Variants in WNK2 observed in about 807,000 individuals in gnomAD.
WNK2 encodes serine/threonine-protein kinase WNK2.
Under a neutral mutation model 192.1 loss-of-function variants are expected in WNK2, and 67 were observed. The ratio of observed to expected loss-of-function variants is 0.35; its 90% CI spans 0.29 to 0.43. WNK2 has a LOEUF of 0.43. WNK2 is among the 20% of genes least tolerant of loss of function. WNK2 has a pLI of 1.00. For missense variants in WNK2, 2,698 were observed against 3,089.7 expected (o/e 0.87, Z 3.01); for synonymous variants, 1,439 against 1,393.9 (o/e 1.03, Z -0.72).
At position 93,240,642 on chromosome 9, in the gene WNK2, G is replaced by A. The variant is rs539110078; in HGVS notation, c.1542+666G>A. ...CCACAGGCACAGGCAGAAAGGAGTGGGAGTGGTCCAGGTGCAGTGGTAGGA... is the reference window on the plus strand; with the variant it reads ...CCACAGGCACAGGCAGAAAGGAGTGAGAGTGGTCCAGGTGCAGTGGTAGGA... On this transcript the variant is annotated intron_variant, in intron 7 of 29. Coordinates refer to ENST00000427277, the MANE Select transcript of WNK2 (RefSeq NM_006648.4). 4.0e-4 allele frequency among the ~76,000 whole-genome samples: 61 copies of A among 152,182 alleles called. No individual in the cohort carries two copies. The South Asian group carries it at 0.011, about 27-fold the overall frequency.
chr9:93,308,437 C>T lies in WNK2; in HGVS notation c.6369C>T (p.Asp2123=), dbSNP rs748115846. Residue 2123 remains aspartate, a synonymous_variant, in exon 28 of 30, where the codon GAC becomes GAT. Transcript: ENST00000427277. ...ACAACAAGAAGGGTACCTTCACGGA[C>T]GACCTGCACAAGCTGGTGGACGAGT... ...NSNNKKGTFT[D]DLHKLVDEWT... The T allele has an allele frequency of 2.3e-5, 37 of 1,608,874 alleles. No homozygotes were observed. The Middle Eastern group carries it at 4.9e-4, about 21-fold the overall frequency.
rs1418455868 is a variant in WNK2, at chr9:93,319,278, G to A, written c.6629-1089G>A. On this transcript the variant is annotated intron_variant, in intron 29 of 29. Coordinates refer to ENST00000427277, the MANE Select transcript of WNK2 (RefSeq NM_006648.4). ...TCCAAAGCAACCAGCCTCCTAGGGA[G>A]CACAGGAGTTGGGAGCCAGTTCTGG... The A allele has an allele frequency of 6.0e-6, 9 of 1,498,500 alleles. No individual in the cohort carries two copies. The African/African-American group carries it at 8.3e-5, about 14-fold the overall frequency. 92.8% of individuals were successfully genotyped at this position (1,498,500 alleles called of 1,614,324 possible).
At chr9:93,256,126 C>T (rs1843247517) in intron 9 of WNK2, among the ~76,000 whole-genome samples, 173 bp from the exon 10 acceptor site, 2 of 152,306 alleles carry the variant, frequency 1.3e-5, no homozygotes, top group South Asian at 4.1e-4. Flanking sequence ...TGGCCCTTCA[C>T]TGTTGTGAAT....
intron 2 of WNK2, among the ~76,000 whole-genome samples, chr9:93,187,042 C>T (rs922106667): frequency 2.6e-5 from 4 of 152,166 alleles, no homozygotes; most frequent in Admixed American, 2.6e-4. Context: ...GGAGACGACT[C>T]TTGATTCTGG....
At chr9:93,211,519 C>T (rs1190639743) in intron 2 of WNK2, among the ~76,000 whole-genome samples, 1 of 148,474 alleles carries the variant, frequency 6.7e-6, no homozygotes, top group Non-Finnish European at 1.5e-5. Flanking sequence ...TCCACTCACT[C>T]ATACATTCAC....
intron 26 of WNK2, among the ~76,000 whole-genome samples, chr9:93,301,933 G>A (rs566263486): frequency 3.4e-4 from 52 of 152,318 alleles, no homozygotes; most frequent in African/African-American, 1.1e-3. Context: ...GTTGCTGGCC[G>A]GGGAGAGCCC....
intron 16 of WNK2, among the ~76,000 whole-genome samples, chr9:93,266,406 T>C (rs928349010): frequency 2.6e-5 from 4 of 152,256 alleles, no homozygotes; most frequent in Non-Finnish European, 5.9e-5. Flanking sequence ...ATTTTTAGAT[T>C]TTTATTTTGT....
chr9:93,312,235 C>A (rs1389272038), intron 28 of WNK2, among the ~76,000 whole-genome samples: 2 of 152,146 alleles, frequency 1.3e-5, no homozygotes, highest in Non-Finnish European at 2.9e-5. Context: ...TCTTGTTTTT[C>A]ATTTGTTGCC....
chr9:93,289,754 C>T, intron 20 of WNK2, 134 bp downstream of exon 20: 1 of 1,003,546 alleles, frequency 1.0e-6, no homozygotes, highest in Non-Finnish European at 1.4e-6. Flanking sequence ...CTTGGTGACC[C>T]ACCCACGTGT....
At position 93,184,268 on chromosome 9, in the gene WNK2, G is replaced by T. The variant is rs1205063320; in HGVS notation, c.-120G>T. 6.6e-6 allele frequency among the ~76,000 whole-genome samples: 1 copy of T among 151,004 alleles called. No individual in the cohort carries two copies. The highest frequency in any genetic ancestry group is 2.4e-5 in the African/African-American group (1 of 41,280). ...GCGCAGGAGCTGGAGCGGCGCCACG[G>T]CCCCCACCCCAGCGCGGACCTCGCC... On this transcript the variant is annotated 5_prime_UTR_variant, in exon 1 of 30. Transcript: ENST00000427277.
chr9:93,228,834 G>A (rs1019582441), intron 2 of WNK2, among the ~76,000 whole-genome samples: 1 of 152,194 alleles, frequency 6.6e-6, no homozygotes, highest in Non-Finnish European at 1.5e-5. Flanking sequence ...TATAGTGAGG[G>A]ATGAGGTGGG....
intron 29 of WNK2, chr9:93,318,172 T>C (rs1050076066): frequency 2.0e-6 from 3 of 1,497,212 alleles, no homozygotes; most frequent in African/African-American, 2.8e-5. Context: ...AAAAAAATTA[T>C]CGGAAAAGGT....
chr9:93,212,743 G>C (rs922013427), intron 2 of WNK2, among the ~76,000 whole-genome samples: 1 of 152,248 alleles, frequency 6.6e-6, no homozygotes, highest in Non-Finnish European at 1.5e-5. Flanking sequence ...CATGGGCCCA[G>C]TGTGTGGCTG....
chr9:93,278,708 A>G (rs1435084595), intron 19 of WNK2, among the ~76,000 whole-genome samples: 1 of 152,226 alleles, frequency 6.6e-6, no homozygotes, highest in African/African-American at 2.4e-5. Context: ...CCAAATTATG[A>G]GACAGGACAA....
Position 93,239,354 on chromosome 9 carries a change from C to T in WNK2, c.1323-403C>T, listed in dbSNP as rs1245484721. Among the ~76,000 whole-genome samples, 1 of 152,200 alleles carries T rather than the reference C, an allele frequency of 6.6e-6. No individual in the cohort carries two copies. The highest frequency in any genetic ancestry group is 1.5e-5 in the Non-Finnish European group (1 of 68,028). On this transcript the variant is annotated intron_variant, in intron 6 of 29. Coordinates refer to ENST00000427277, the MANE Select transcript of WNK2 (RefSeq NM_006648.4). This position sits in a 1 kb window ranked among gnomAD's most constrained non-coding sequence, Gnocchi z 4.2. ...AGGGAGCTCAGAGCGTGGGGGGCTC[C>T]GCCTCTGTGTCCATTTTAGACCTAC...
chr9:93,212,493 T>C (rs1158204335), intron 2 of WNK2, among the ~76,000 whole-genome samples: 1 of 152,192 alleles, frequency 6.6e-6, no homozygotes, highest in Non-Finnish European at 1.5e-5. Context: ...CCTGGCTATG[T>C]TGTTTCTGCC....
Position 93,288,918 on chromosome 9 carries a change from C to T in WNK2, c.4164C>T (p.Ser1388=). 6.2e-7 allele frequency: 1 copy of T among 1,607,414 alleles called. No individual in the cohort carries two copies. The highest frequency in any genetic ancestry group is 1.1e-5 in the South Asian group (1 of 90,108). Reference sequence around the variant, plus strand: ...CCCCAGCCCCTTTGGCCCCCTCCTCCCCTCCTGTGACTGCTCTGCCCCAAG... The same window carrying T: ...CCCCAGCCCCTTTGGCCCCCTCCTCTCCTCCTGTGACTGCTCTGCCCCAAG... ...GAPPAPLAPS[S]PPVTALPQDG... is the part of the protein sequence containing the mutation. The change falls in exon 20 of 30, where the codon TCC becomes TCT. Residue 1388 remains serine, a synonymous_variant. Coordinates refer to ENST00000427277, the MANE Select transcript of WNK2 (RefSeq NM_006648.4).
At chr9:93,238,352 G>C (rs1422268028) in intron 6 of WNK2, 31 bp downstream of exon 6, 1 of 1,592,578 alleles carries the variant, frequency 6.3e-7, no homozygotes, top group Non-Finnish European at 8.6e-7. Flanking sequence ...GGGTTCTGGG[G>C]TCCATCTCCA....
chr9:93,226,633 A>G (rs898583358), intron 2 of WNK2, among the ~76,000 whole-genome samples: 1 of 151,998 alleles, frequency 6.6e-6, no homozygotes, highest in African/African-American at 2.4e-5. Context: ...TCCCACTTCT[A>G]CCCACCCCAG....
Sources: gnomAD v4.1 joint callset for allele counts (sites outside exome capture counted in the v4.1 genomes callset) on GRCh38, gnomAD v4.1.1 for gene constraint, Gnocchi (gnomAD v3.1) non-coding constraint, MANE v1.5 for transcripts, NCBI Gene and HGNC (gene_info 2026-07-23, HGNC 2026-07-21) for gene names.